Variants in ITGBL1 observed in about 807,000 individuals in gnomAD.
ITGBL1 encodes the protein integrin subunit beta like 1, also known as integrin beta-like protein 1.
Under a neutral mutation model 68.5 loss-of-function variants are expected in ITGBL1, and 51 were observed. The observed-to-expected ratio is 0.74, with a 90% CI of 0.59 to 0.94. The LOEUF (loss-of-function observed/expected upper bound fraction) is 0.94, where lower values mean the gene tolerates loss of function less well. Ranked by LOEUF, ITGBL1 falls within the 40% of genes least tolerant of loss-of-function variation. The pLI is 0.00. For synonymous variants in ITGBL1, 209 were observed against 227.3 expected (o/e 0.92, Z 0.72); for missense variants, 649 against 647.4 (o/e 1.00, Z -0.03).
chr13:101,564,061 A>G (rs1433697941), intron 2 of ITGBL1, among the ~76,000 whole-genome samples: 3 of 151,998 alleles, frequency 2.0e-5, no homozygotes, highest in African/African-American at 4.8e-5. Flanking sequence ...TAAGATGGCA[A>G]TTCTCTCTAC....
At chr13:101,612,487 G>T (rs2031179711) in intron 7 of ITGBL1, among the ~76,000 whole-genome samples, 1 of 152,042 alleles carries the variant, frequency 6.6e-6, no homozygotes, top group Non-Finnish European at 1.5e-5. Flanking sequence ...TCTGGGTATG[G>T]TTAATGATAC....
intron 2 of ITGBL1, among the ~76,000 whole-genome samples, chr13:101,463,189 A>G (rs2139626468): frequency 6.6e-6 from 1 of 152,250 alleles, no homozygotes; most frequent in East Asian, 1.9e-4. Context: ...TGGTCCTAAG[A>G]TATTTATTTT....
At chr13:101,525,038 G>C (rs543979272) in intron 2 of ITGBL1, among the ~76,000 whole-genome samples, 1 of 152,092 alleles carries the variant, frequency 6.6e-6, no homozygotes, top group African/African-American at 2.4e-5. Context: ...TATTTTTGTA[G>C]TGCTTGTCCA....
intron 5 of ITGBL1, among the ~76,000 whole-genome samples, 177 bp from the exon 6 acceptor site, chr13:101,583,039 T>A (rs1020634644): frequency 1.3e-5 from 2 of 152,230 alleles, no homozygotes; most frequent in Admixed American, 1.3e-4. Context: ...CTTTTGTTTA[T>A]TAAGGAATCT....
intron 7 of ITGBL1, among the ~76,000 whole-genome samples, chr13:101,668,839 T>C (rs1370313870): frequency 6.6e-6 from 1 of 152,162 alleles, no homozygotes; most frequent in East Asian, 1.9e-4. Context: ...GTTTATTTAA[T>C]TTTGGCTTCT....
chr13:101,719,367 A>T (rs1293768350), downstream of ITGBL1: 1 of 152,002 alleles, frequency 6.6e-6, no homozygotes, highest in Non-Finnish European at 1.5e-5. Flanking sequence ...AGTCCTTTGG[A>T]CCCATCGTGG....
chr13:101,666,436 T>C (rs1186065630), intron 7 of ITGBL1, among the ~76,000 whole-genome samples: 3 of 152,190 alleles, frequency 2.0e-5, no homozygotes, highest in African/African-American at 7.2e-5. Context: ...TGGCAAGTTC[T>C]TTTTAATAGA....
At chr13:101,514,106 TGAA>T (rs2049158490) in intron 2 of ITGBL1, among the ~76,000 whole-genome samples, 1 of 152,066 alleles carries the variant, frequency 6.6e-6, no homozygotes, top group Non-Finnish European at 1.5e-5. Flanking sequence ...GACCTATAAA[TGAA>T]GACACATTCT....
intron 7 of ITGBL1, among the ~76,000 whole-genome samples, chr13:101,661,757 A>G (rs1158750238): frequency 6.6e-6 from 1 of 152,190 alleles, no homozygotes; most frequent in Non-Finnish European, 1.5e-5. Flanking sequence ...TTCAAAAGTA[A>G]AAGTAAAGTG....
chr13:101,616,947 C>T (rs898828360), intron 7 of ITGBL1, among the ~76,000 whole-genome samples: 1 of 152,114 alleles, frequency 6.6e-6, no homozygotes, highest in African/African-American at 2.4e-5. Context: ...ATGAGAACAC[C>T]TTAAAATGGC....
Position 101,523,084 on chromosome 13 carries a change from C to A in ITGBL1, c.317-44615C>A, listed in dbSNP as rs146661190. 3.4e-3 allele frequency among the ~76,000 whole-genome samples: 512 copies of A among 152,260 alleles called. 4 individuals are homozygous for A. Among genetic ancestry groups the A allele is most frequent in the African/African-American group, 0.011 (467 of 41,554 alleles). On this transcript the variant is annotated intron_variant, in intron 2 of 10. Coordinates refer to ENST00000376180, the MANE Select transcript of ITGBL1 (RefSeq NM_004791.3). Reference sequence around the variant, plus strand: ...GAAATAATGCTGCTTTATGAAAATTCAATCTTTAGCTACCTTTATTAGCAC... The same window carrying A: ...GAAATAATGCTGCTTTATGAAAATTAAATCTTTAGCTACCTTTATTAGCAC...
At chr13:101,532,397 T>C (rs1406725408) in intron 2 of ITGBL1, among the ~76,000 whole-genome samples, 1 of 152,200 alleles carries the variant, frequency 6.6e-6, no homozygotes, top group Non-Finnish European at 1.5e-5. Context: ...CTTAACTATA[T>C]TTTAGCAGAT....
Position 101,653,835 on chromosome 13 carries a change from C to T in ITGBL1, c.1016-38750C>T, listed in dbSNP as rs185524981. On this transcript the variant is annotated intron_variant, in intron 7 of 10. Transcript: ENST00000376180. ...TCCCGAGTAGCTGGGACTACAGGTG[C>T]GCACCACCATGCCCAGCTACTTTTT... Among the ~76,000 whole-genome samples the T allele has an allele frequency of 4.2e-3, 634 of 149,186 alleles. 9 individuals are homozygous for T. The highest frequency in any genetic ancestry group is 0.033 in the Admixed American group (488 of 14,856).
At chr13:101,478,332 T>C (rs191276875) in intron 2 of ITGBL1, among the ~76,000 whole-genome samples, 12 of 152,104 alleles carry the variant, frequency 7.9e-5, no homozygotes, top group Non-Finnish European at 1.5e-4. Flanking sequence ...GGAACAAACT[T>C]CAACACAATA....
At chr13:101,633,508 G>A (rs1390186235) in intron 7 of ITGBL1, among the ~76,000 whole-genome samples, 1 of 152,134 alleles carries the variant, frequency 6.6e-6, no homozygotes, top group Non-Finnish European at 1.5e-5. Context: ...TTCTATTGCT[G>A]TGAAACTCAT....
At chr13:101,650,776 T>G (rs80002189) in intron 7 of ITGBL1, among the ~76,000 whole-genome samples, 7,745 of 152,226 alleles carry the variant, frequency 0.051, 281 homozygotes, top group African/African-American at 0.11. Context: ...TTCTTCCTGA[T>G]GATATTCCTC....
chr13:101,508,591 G>C (rs1594854449), intron 2 of ITGBL1, among the ~76,000 whole-genome samples: 6 of 152,106 alleles, frequency 3.9e-5, no homozygotes, highest in Admixed American at 3.3e-4. Flanking sequence ...CTAAAGCTTA[G>C]AGGGTGTGTT....
chr13:101,638,586 A>G (rs1460772890), intron 7 of ITGBL1, among the ~76,000 whole-genome samples: 1 of 152,202 alleles, frequency 6.6e-6, no homozygotes, highest in Non-Finnish European at 1.5e-5. Flanking sequence ...GGTGAAAGGC[A>G]CATCTCACAT....
rs561164002 is a variant in ITGBL1, at chr13:101,583,147, G to A, written c.728-69G>A. On this transcript the variant is annotated intron_variant, in intron 5 of 10. Transcript: ENST00000376180. ...ACAAAGTAAACAGAAAATAATAAGC[G>A]ATATGTGAAATGCTTTCTTTCATGG... 179 of 1,426,448 alleles carry A rather than the reference G, an allele frequency of 1.3e-4. 2 individuals are homozygous for A. Among genetic ancestry groups the A allele is most frequent in the South Asian group, 5.6e-4 (48 of 85,800 alleles). The allele number at this position is 1,426,448 out of a possible 1,614,324, so 88.4% of individuals were successfully genotyped here.
Sources: gnomAD v4.1 joint callset for allele counts (sites outside exome capture counted in the v4.1 genomes callset) on GRCh38, gnomAD v4.1.1 for gene constraint, MANE v1.5 for transcripts, NCBI Gene and HGNC (gene_info 2026-07-23, HGNC 2026-07-21) for gene names.